GDA: variants seen among roughly 807,000 people sequenced by gnomAD.
The protein encoded by GDA is guanine deaminase.
A neutral mutation model predicts 59.6 loss-of-function variants in GDA; 18 were observed. The ratio of observed to expected loss-of-function variants is 0.30; its 90% confidence interval spans 0.21 to 0.45. The LOEUF (loss-of-function observed/expected upper bound fraction) is 0.45. GDA is among the 20% of genes least tolerant of loss of function. The pLI is 1.00. For missense variants in GDA, 427 were observed against 552.3 expected (o/e 0.77, Z 2.27); for synonymous variants, 201 against 201.1 (o/e 1.00, Z 0.00).
At chr9:72,130,837 G>C (rs1826002026) in intron 1 of GDA, among the ~76,000 whole-genome samples, 3 of 152,246 alleles carry the variant, frequency 2.0e-5, no homozygotes, top group Middle Eastern at 6.8e-3. Flanking sequence ...AGGCAGATAA[G>C]AGTCCCTGGA....
intron 1 of GDA, among the ~76,000 whole-genome samples, chr9:72,193,239 C>G (rs1832770938): frequency 6.6e-6 from 1 of 152,100 alleles, no homozygotes; most frequent in Non-Finnish European, 1.5e-5. Flanking sequence ...TTATACTTGT[C>G]ACTATCTGGG....
At chr9:72,201,332 C>T (rs919706260) in intron 2 of GDA, among the ~76,000 whole-genome samples, 17 of 152,076 alleles carry the variant, frequency 1.1e-4, no homozygotes, top group South Asian at 2.1e-4. Context: ...GTATGTAGAA[C>T]GCTGTGCCAG....
intron 3 of GDA, among the ~76,000 whole-genome samples, chr9:72,209,753 T>C (rs758602142): frequency 6.6e-5 from 10 of 152,180 alleles, no homozygotes; most frequent in African/African-American, 1.4e-4. Context: ...GGATGAGTAG[T>C]GAAGGCAGTG....
chr9:72,120,302 C>T (rs997057208), intron 1 of GDA, among the ~76,000 whole-genome samples: 9 of 152,016 alleles, frequency 5.9e-5, no homozygotes, highest in African/African-American at 1.9e-4. Flanking sequence ...ATTCTCCTGC[C>T]TTGGCCTCCC....
chr9:72,141,156 G>T (rs1826427699), intron 1 of GDA, among the ~76,000 whole-genome samples: 1 of 151,980 alleles, frequency 6.6e-6, no homozygotes, highest in African/African-American at 2.4e-5. Context: ...CCTATTATAT[G>T]CCATTCCACA....
rs1564161183 is a variant in GDA, at chr9:72,149,538, CGCGCTGCGCTCCGCCGCTGACAT to C, written c.-20_3del. Reference sequence around the variant, plus strand: ...GTGCGCCCTCCTCGACCAGCAGACCCGCGCTGCGCTCCGCCGCTGACATGTGTGCCGCTCAGATGCCGCCCCTG... The same window carrying C: ...GTGCGCCCTCCTCGACCAGCAGACCCGTGTGCCGCTCAGATGCCGCCCCTG... On this transcript the variant is annotated start_lost and 5_prime_UTR_variant, in exon 1 of 14. Transcript: ENST00000358399. 5 of 1,607,330 alleles carry C rather than the reference CGCGCTGCGCTCCGCCGCTGACAT, an allele frequency of 3.1e-6. No homozygotes were observed. Among genetic ancestry groups the C allele is most frequent in the South Asian group, 1.1e-5 (1 of 90,836 alleles).
chr9:72,147,229 G>T (rs998574800), upstream of GDA, among the ~76,000 whole-genome samples: 2 of 152,044 alleles, frequency 1.3e-5, no homozygotes, highest in Non-Finnish European at 2.9e-5. Context: ...GTTTTTTTGA[G>T]ACCGAGTCTT....
intron 1 of GDA, among the ~76,000 whole-genome samples, chr9:72,119,072 A>C (rs1007302372): frequency 6.6e-6 from 1 of 152,242 alleles, no homozygotes; most frequent in Non-Finnish European, 1.5e-5. Flanking sequence ...GTTTCTAGGA[A>C]TATAAATAAA....
chr9:72,233,785 T>C (rs932771044), intron 10 of GDA, among the ~76,000 whole-genome samples: 29 of 152,106 alleles, frequency 1.9e-4, no homozygotes, highest in East Asian at 5.8e-4. Context: ...TTACAAAAAA[T>C]ACAAAACTTA....
chr9:72,174,789 CAGACAGAGACAGAG>C (rs1001773434), intron 1 of GDA, among the ~76,000 whole-genome samples: 2 of 151,294 alleles, frequency 1.3e-5, no homozygotes, highest in Non-Finnish European at 1.5e-5. Context: ...GACAGACAGA[CAGACAGAGACAGAG>C]AGACAGAGAC....
chr9:72,181,372 CT>C (rs36057739), intron 1 of GDA, among the ~76,000 whole-genome samples: 24,994 of 152,092 alleles, frequency 0.16, 2,626 homozygotes, highest in East Asian at 0.5. Flanking sequence ...GTTGCTTAGG[CT>C]GGAGTGCAGT....
chr9:72,219,295 C>A (rs1013228793), intron 5 of GDA, among the ~76,000 whole-genome samples, 184 bp from the exon 6 acceptor site: 1 of 151,668 alleles, frequency 6.6e-6, no homozygotes, highest in African/African-American at 2.4e-5. Context: ...CCCAGCTACT[C>A]GGGAGGCTGA....
At chr9:72,236,720 C>T (rs2131727097) in intron 10 of GDA, among the ~76,000 whole-genome samples, 1 of 151,978 alleles carries the variant, frequency 6.6e-6, no homozygotes. Context: ...ATCATTCCTG[C>T]TGGTACACAA....
intron 1 of GDA, among the ~76,000 whole-genome samples, chr9:72,166,409 A>G (rs767282373): frequency 1.4e-4 from 12 of 83,732 alleles, no homozygotes; most frequent in Admixed American, 3.9e-4. Context: ...ACTGGGAAGG[A>G]TGTGTGGGTG....
intron 4 of GDA, among the ~76,000 whole-genome samples, chr9:72,212,891 T>C (rs1199524150): frequency 6.6e-6 from 1 of 152,036 alleles, no homozygotes; most frequent in East Asian, 1.9e-4. Context: ...TCCTTTACCA[T>C]GTGATAAAAT....
At chr9:72,253,312 G>A (rs111840605), downstream of GDA, 1 of 152,208 alleles carries the variant, frequency 6.6e-6, no homozygotes, top group African/African-American at 2.4e-5. Flanking sequence ...ATCAAACTAA[G>A]CTGTGTTCCC....
intron 1 of GDA, among the ~76,000 whole-genome samples, chr9:72,185,893 A>C (rs1483706236): frequency 6.6e-6 from 1 of 152,220 alleles, no homozygotes; most frequent in Non-Finnish European, 1.5e-5. Flanking sequence ...GTAAGAAAGC[A>C]CTTGGAGTTG....
chr9:72,223,732 A>G (rs1307488975), intron 7 of GDA, among the ~76,000 whole-genome samples: 1 of 152,198 alleles, frequency 6.6e-6, no homozygotes, highest in Non-Finnish European at 1.5e-5. Flanking sequence ...AAAAAAGTAT[A>G]CCTTGCTTTG....
chr9:72,185,292 A>C (rs1211561620), intron 1 of GDA, among the ~76,000 whole-genome samples: 2 of 152,218 alleles, frequency 1.3e-5, no homozygotes, highest in African/African-American at 4.8e-5. Flanking sequence ...TGTCTAGTTT[A>C]GGAGATATGG....
Sources: allele counts gnomAD v4.1 joint callset (sites outside exome capture counted in the v4.1 genomes callset), GRCh38; gene constraint gnomAD v4.1.1; transcripts MANE v1.5; gene names NCBI Gene and HGNC (gene_info 2026-07-23, HGNC 2026-07-21).